ZNF385B: variants seen among roughly 807,000 people sequenced by gnomAD.
ZNF385B encodes the protein zinc finger protein 533.
A neutral mutation model predicts 39.2 loss-of-function variants in ZNF385B; 23 were observed. The ratio of observed to expected loss-of-function variants is 0.59; its 90% confidence interval spans 0.42 to 0.83. The LOEUF (loss-of-function observed/expected upper bound fraction) is 0.83, where lower values mean the gene tolerates loss of function less well. ZNF385B is among the 40% of genes least tolerant of loss of function. The probability of loss-of-function intolerance (pLI) is 0.00; values close to 1 mark genes in which losing one functional copy is unlikely to be tolerated. For synonymous variants in ZNF385B, 205 were observed against 222.6 expected, an observed-to-expected ratio of 0.92 and a Z score of 0.70; for missense variants, 552 against 598.9, an observed-to-expected ratio of 0.92 and a Z score of 0.82.
chr2:179,749,404 C>A (rs1464510550), intron 3 of ZNF385B, among the ~76,000 whole-genome samples: 2 of 152,022 alleles, frequency 1.3e-5, no homozygotes, highest in Non-Finnish European at 2.9e-5. Flanking sequence ...ATCAGAAGAG[C>A]AAATATGTTT....
At chr2:179,465,736 C>G (rs1369929642) in intron 6 of ZNF385B, among the ~76,000 whole-genome samples, 1 of 152,154 alleles carries the variant, frequency 6.6e-6, no homozygotes, top group Non-Finnish European at 1.5e-5. Context: ...CTGATCTTGA[C>G]CATTCTAGTC....
chr2:179,778,563 A>G (rs1162491597), intron 1 of ZNF385B, among the ~76,000 whole-genome samples: 1 of 152,176 alleles, frequency 6.6e-6, no homozygotes, highest in Non-Finnish European at 1.5e-5. Context: ...TTGAATTCTC[A>G]TGTCATCTTT....
At chr2:179,670,479 A>AAAAACAAAAACG (rs796761232) in intron 3 of ZNF385B, among the ~76,000 whole-genome samples, 2,856 of 130,026 alleles carry the variant, frequency 0.022, 93 homozygotes, top group African/African-American at 0.078. Flanking sequence ...AGTAGAACGT[A>AAAAACAAAAACG]AAAACAAAAA....
chr2:179,694,866 G>C (rs112967530), intron 3 of ZNF385B, among the ~76,000 whole-genome samples: 42,728 of 151,816 alleles, frequency 0.28, 6,384 homozygotes, highest in Non-Finnish European at 0.34. Context: ...GGAGGTGGAG[G>C]TTGCAGTGAG....
intron 4 of ZNF385B, among the ~76,000 whole-genome samples, chr2:179,524,285 G>T (rs2058715305): frequency 6.6e-6 from 1 of 151,958 alleles, no homozygotes; most frequent in Admixed American, 6.6e-5. Flanking sequence ...GGGCACGGTG[G>T]CTGACGCCTG....
chr2:179,579,070 A>G (rs747473995), intron 3 of ZNF385B, among the ~76,000 whole-genome samples: 16 of 152,126 alleles, frequency 1.1e-4, no homozygotes, highest in Non-Finnish European at 1.9e-4. Context: ...GAACACTAGG[A>G]GAGCACCTTC....
At chr2:179,666,182 C>A (rs1695132186) in intron 3 of ZNF385B, among the ~76,000 whole-genome samples, 1 of 152,118 alleles carries the variant, frequency 6.6e-6, no homozygotes, top group African/African-American at 2.4e-5. Context: ...AAAAAAATTT[C>A]ATTAAGGAAA....
At chr2:179,636,966 T>C (rs985866014) in intron 3 of ZNF385B, among the ~76,000 whole-genome samples, 3 of 152,218 alleles carry the variant, frequency 2.0e-5, no homozygotes, top group East Asian at 1.9e-4. Flanking sequence ...AAAATACATC[T>C]ATATAAATAT....
chr2:179,665,510 C>A (rs556674206), intron 3 of ZNF385B, among the ~76,000 whole-genome samples: 1 of 152,304 alleles, frequency 6.6e-6, no homozygotes, highest in South Asian at 2.1e-4. Context: ...CGTTTGGAAG[C>A]TGCGGCTCCC....
At chr2:179,601,686 T>C (rs1418991020) in intron 3 of ZNF385B, among the ~76,000 whole-genome samples, 2 of 152,190 alleles carry the variant, frequency 1.3e-5, no homozygotes, top group Non-Finnish European at 2.9e-5. Context: ...CATTTATATA[T>C]ATGAGTTACT....
intron 1 of ZNF385B, among the ~76,000 whole-genome samples, chr2:179,841,376 T>C (rs1274863436): frequency 1.3e-5 from 2 of 152,122 alleles, no homozygotes; most frequent in East Asian, 1.9e-4. Context: ...TGAGCCCTGA[T>C]GGAGGAAAAG....
At chr2:179,772,828 G>A (rs1455348807) in intron 1 of ZNF385B, among the ~76,000 whole-genome samples, 1 of 152,228 alleles carries the variant, frequency 6.6e-6, no homozygotes, top group East Asian at 1.9e-4. Context: ...GCAGTGGGCA[G>A]CACTGTGCTT....
At chr2:179,859,273 T>C (rs1399825377) in intron 1 of ZNF385B, among the ~76,000 whole-genome samples, 5 of 152,208 alleles carry the variant, frequency 3.3e-5, no homozygotes, top group Non-Finnish European at 7.3e-5. Context: ...CCTTTGTACC[T>C]CAGTTGAAGA....
At chr2:179,533,553 G>A (rs2105868147) in intron 4 of ZNF385B, among the ~76,000 whole-genome samples, 1 of 152,232 alleles carries the variant, frequency 6.6e-6, no homozygotes, top group East Asian at 1.9e-4. Flanking sequence ...TCGGAGCACA[G>A]GTTAAGGGGG....
intron 4 of ZNF385B, among the ~76,000 whole-genome samples, chr2:179,523,297 A>ATT: frequency 7.3e-6 from 1 of 137,610 alleles, no homozygotes; most frequent in African/African-American, 2.7e-5. Flanking sequence ...AATAAGAACA[A>ATT]TTTTTTTTTT....
chr2:179,675,553 C>T (rs746083394), intron 3 of ZNF385B, among the ~76,000 whole-genome samples: 7 of 152,192 alleles, frequency 4.6e-5, no homozygotes, highest in Non-Finnish European at 8.8e-5. Context: ...TAAGAATACA[C>T]TGGCAGCTTG....
intron 3 of ZNF385B, among the ~76,000 whole-genome samples, chr2:179,648,854 C>A (rs956675958): frequency 2.6e-5 from 4 of 151,946 alleles, no homozygotes; most frequent in Non-Finnish European, 5.9e-5. Flanking sequence ...AAGCCATCAT[C>A]CATATGGATA....
chr2:179,711,430 T>C (rs1325522239), intron 3 of ZNF385B, among the ~76,000 whole-genome samples: 1 of 152,178 alleles, frequency 6.6e-6, no homozygotes, highest in African/African-American at 2.4e-5. Context: ...AGTGGAAGAA[T>C]GACATGAAAA....
At chr2:179,651,555 G>A (rs1484570972) in intron 3 of ZNF385B, among the ~76,000 whole-genome samples, 1 of 151,366 alleles carries the variant, frequency 6.6e-6, no homozygotes, top group Non-Finnish European at 1.5e-5. Flanking sequence ...AGTTTACACT[G>A]TTTCCCAGTT....
Sources: gnomAD v4.1 joint callset for allele counts (sites outside exome capture counted in the v4.1 genomes callset) on GRCh38, gnomAD v4.1.1 for gene constraint, MANE v1.5 for transcripts, NCBI Gene and HGNC (gene_info 2026-07-23, HGNC 2026-07-21) for gene names.